COPG2: variants seen among roughly 807,000 people sequenced by gnomAD.
The protein encoded by COPG2 is coatomer subunit gamma-2.
A neutral mutation model predicts 46.3 loss-of-function variants in COPG2; 37 were observed. The ratio of observed to expected loss-of-function variants is 0.80; its 90% CI spans 0.61 to 1.05. The LOEUF is 1.05. Among genes scored for constraint, COPG2 ranks in the 50% least tolerant of loss-of-function variants. The pLI is 0.00. For synonymous variants in COPG2, 159 were observed against 129.7 expected, an observed-to-expected ratio of 1.23 and a Z score of -1.53; for missense variants, 427 against 387.8, an observed-to-expected ratio of 1.10 and a Z score of -0.85.
At chr7:130,518,487 G>A (rs1318444748) in intron 20 of COPG2, among the ~76,000 whole-genome samples, 2 of 152,106 alleles carry the variant, frequency 1.3e-5, no homozygotes, top group African/African-American at 4.8e-5. Flanking sequence ...TGGAGCAGGT[G>A]GGTGGCATTG....
In COPG2 at chr7:130,667,461, C is replaced by T. The variant is rs565835794; in HGVS notation, c.90+21G>A. 1.9e-6 allele frequency: 3 copies of T among 1,608,162 alleles called. No individual in the cohort carries two copies. In the South Asian group the frequency reaches 3.3e-5, roughly 18 times the overall value. On this transcript the variant is annotated intron_variant, in intron 2 of 23. Transcript: ENST00000425248. ...AAAACAGAATAGAAAAGAAAGGGCA[C>T]AAGATACTTCCCAGTCATACCTCCT... is the stretch of plus-strand genomic sequence containing the variant.
intron 5 of COPG2, among the ~76,000 whole-genome samples, chr7:130,645,952 C>CTGG (rs2014400661): frequency 6.6e-6 from 1 of 151,588 alleles, no homozygotes; most frequent in Non-Finnish European, 1.5e-5. Flanking sequence ...TTGACTGGAC[C>CTGG]ACTTCCACTT....
intron 20 of COPG2, 113 bp from the exon 21 acceptor site, chr7:130,508,772 CCT>C: frequency 1.6e-6 from 1 of 635,258 alleles, no homozygotes. Context: ...ACACACATGC[CCT>C]GTTGTCTGGG....
At chr7:130,639,083 G>A (rs1237794234) in intron 5 of COPG2, among the ~76,000 whole-genome samples, 5 of 152,146 alleles carry the variant, frequency 3.3e-5, no homozygotes, top group Admixed American at 3.3e-4. Context: ...GTCCCAGTGA[G>A]AAGAGCCGGG....
At chr7:130,544,069 G>A (rs935674458) in intron 20 of COPG2, among the ~76,000 whole-genome samples, 8 of 152,126 alleles carry the variant, frequency 5.3e-5, no homozygotes, top group South Asian at 4.1e-4. Flanking sequence ...GGGAAAGGGT[G>A]GCTGAATCAA....
Position 130,524,342 on chromosome 7 carries a change from A to C in COPG2, c.2150-15683T>G, listed in dbSNP as rs894029774. On this transcript the variant is annotated intron_variant, in intron 20 of 23. Coordinates refer to ENST00000425248, the MANE Select transcript of COPG2 (RefSeq NM_012133.6). ...GTGGGAGAATCACAGATTGTGCTGA[A>C]AAAATGCAGGAGGGTGCAGGTGGGA... is the stretch of plus-strand genomic sequence containing the variant. Among the ~76,000 whole-genome samples, 69 of 151,986 alleles carry C rather than the reference A, an allele frequency of 4.5e-4. 1 individual carries two copies. The East Asian group carries it at 0.012, about 27-fold the overall frequency.
At chr7:130,632,141 C>T (rs1219172327) in intron 5 of COPG2, among the ~76,000 whole-genome samples, 1 of 152,186 alleles carries the variant, frequency 6.6e-6, no homozygotes, top group Non-Finnish European at 1.5e-5. Context: ...TACTGTAGAG[C>T]AGGTCTGCTG....
chr7:130,531,477 C>T (rs1050602437), intron 20 of COPG2, among the ~76,000 whole-genome samples: 4 of 151,982 alleles, frequency 2.6e-5, no homozygotes, highest in South Asian at 2.1e-4. Context: ...ATAGTCAACA[C>T]CCAGAAGAAC....
At chr7:130,606,015 T>G (rs1446719111) in intron 9 of COPG2, among the ~76,000 whole-genome samples, 1 of 152,110 alleles carries the variant, frequency 6.6e-6, no homozygotes, top group Non-Finnish European at 1.5e-5. Context: ...AGGAGCATGA[T>G]GGAGGAAGCC....
At chr7:130,593,489 G>A (rs1794470305) in intron 9 of COPG2, among the ~76,000 whole-genome samples, 1 of 151,864 alleles carries the variant, frequency 6.6e-6, no homozygotes, top group Non-Finnish European at 1.5e-5. Context: ...GAAAAGTAAG[G>A]GAGGAAGATT....
intron 5 of COPG2, among the ~76,000 whole-genome samples, chr7:130,635,818 C>T (rs78039664): frequency 6.6e-6 from 1 of 152,114 alleles, no homozygotes; most frequent in African/African-American, 2.4e-5. Flanking sequence ...TTAGATCTTT[C>T]CTGCTTTCTC....
chr7:130,659,093 C>T (rs529607576), intron 4 of COPG2, among the ~76,000 whole-genome samples: 12 of 152,152 alleles, frequency 7.9e-5, no homozygotes, highest in South Asian at 2.1e-4. Flanking sequence ...CGGTAGCTTA[C>T]GCCTGCAATC....
At chr7:130,619,832 A>C (rs1554453360) in intron 5 of COPG2, among the ~76,000 whole-genome samples, 2 of 152,186 alleles carry the variant, frequency 1.3e-5, no homozygotes, top group African/African-American at 4.8e-5. Context: ...CTTGTATCAC[A>C]TGTTCTGTTT....
At chr7:130,659,423 A>T (rs1220604880) in intron 4 of COPG2, among the ~76,000 whole-genome samples, 1 of 151,556 alleles carries the variant, frequency 6.6e-6, no homozygotes, top group Non-Finnish European at 1.5e-5. Context: ...CTCCAGAAAA[A>T]GTCTCACTGT....
chr7:130,579,281 T>C (rs1174143686), intron 9 of COPG2, among the ~76,000 whole-genome samples: 5 of 147,958 alleles, frequency 3.4e-5, no homozygotes, highest in African/African-American at 1.0e-4. Context: ...TAAAATACTT[T>C]ACAGACAAGC....
chr7:130,636,724 T>A (rs944639287), intron 5 of COPG2, among the ~76,000 whole-genome samples: 2 of 152,226 alleles, frequency 1.3e-5, no homozygotes, highest in South Asian at 2.1e-4. Flanking sequence ...CAGTTTACAT[T>A]TAAGGTTGAT....
At chr7:130,529,642 G>C (rs1799805064) in intron 20 of COPG2, among the ~76,000 whole-genome samples, 1 of 152,188 alleles carries the variant, frequency 6.6e-6, no homozygotes, top group East Asian at 1.9e-4. Context: ...GCCTTTAGGA[G>C]AAAGTGGGTT....
intron 5 of COPG2, among the ~76,000 whole-genome samples, chr7:130,652,605 T>C (rs1402077172): frequency 1.3e-5 from 2 of 152,242 alleles, no homozygotes; most frequent in African/African-American, 4.8e-5. Flanking sequence ...GTGCACGTTA[T>C]CTTTTACTTT....
At chr7:130,606,079 G>A (rs1166608250) in intron 9 of COPG2, among the ~76,000 whole-genome samples, 1 of 151,952 alleles carries the variant, frequency 6.6e-6, no homozygotes, top group Non-Finnish European at 1.5e-5. Context: ...ACCCACCTCA[G>A]CTTCCCAAAG....
Sources: allele counts gnomAD v4.1 joint callset (sites outside exome capture counted in the v4.1 genomes callset), GRCh38; gene constraint gnomAD v4.1.1; transcripts MANE v1.5; gene names NCBI Gene and HGNC (gene_info 2026-07-23, HGNC 2026-07-21).